The following DOCK1 variants were observed in gnomAD, a reference collection of about 807,000 sequenced individuals.
The protein encoded by DOCK1 is dedicator of cytokinesis protein 1.
Under a neutral mutation model 262.7 loss-of-function variants are expected in DOCK1, and 138 were observed. That is an observed-to-expected ratio of 0.53 (90% CI 0.46 to 0.61). DOCK1 has a LOEUF of 0.61. Among genes scored for constraint, DOCK1 ranks in the 20% least tolerant of loss-of-function variants. The pLI is 0.00. For missense variants in DOCK1, 1,908 were observed against 2,370.7 expected (o/e 0.80, Z 4.05); for synonymous variants, 866 against 867.4 (o/e 1.00, Z 0.03).
At chr10:127,255,988 C>T (rs959602965) in intron 28 of DOCK1, among the ~76,000 whole-genome samples, 3 of 152,174 alleles carry the variant, frequency 2.0e-5, no homozygotes, top group Admixed American at 6.5e-5. Flanking sequence ...GGGATGCTCC[C>T]GCTCCTGAGA....
At position 126,998,035 on chromosome 10, in the gene DOCK1, G is replaced by C. The variant is rs9418751; in HGVS notation, c.610-57G>C. On this transcript the variant is annotated intron_variant, in intron 7 of 51. Coordinates refer to ENST00000623213, the MANE Select transcript of DOCK1 (RefSeq NM_001290223.2). The stretch of plus-strand genomic sequence containing the variant: ...TTCTATTCTGTAGGGAATAAAGAAA[G>C]CAAGTGTCAGTGATGAGTGTTGCTG... 2.2e-5 allele frequency: 35 copies of C among 1,597,420 alleles called. No individual in the cohort carries two copies. The African/African-American group carries it at 3.9e-4, about 18-fold the overall frequency.
At chr10:127,412,796 C>G (rs1405971346) in intron 43 of DOCK1, among the ~76,000 whole-genome samples, 1 of 152,202 alleles carries the variant, frequency 6.6e-6, no homozygotes, top group African/African-American at 2.4e-5. Flanking sequence ...TCCTTCCAGC[C>G]CCGAGGCCAG....
intron 14 of DOCK1, 29 bp downstream of exon 14, chr10:127,023,353 A>C: frequency 1.9e-6 from 3 of 1,611,384 alleles, no homozygotes; most frequent in South Asian, 1.1e-5. Context: ...GCTCATCTGT[A>C]GTGTTTCAGT....
At chr10:127,203,149 A>G (rs913154137) in intron 27 of DOCK1, among the ~76,000 whole-genome samples, 3 of 152,256 alleles carry the variant, frequency 2.0e-5, no homozygotes, top group African/African-American at 7.2e-5. Flanking sequence ...GTTGAATAAC[A>G]GCTATTAAAA....
chr10:127,288,818 T>C (rs953685390), intron 29 of DOCK1, among the ~76,000 whole-genome samples: 15 of 149,862 alleles, frequency 1.0e-4, no homozygotes, highest in African/African-American at 3.5e-4. Flanking sequence ...TAAAATAGTT[T>C]CAGAATAACA....
intron 33 of DOCK1, among the ~76,000 whole-genome samples, chr10:127,370,801 C>T (rs1009584590): frequency 3.3e-5 from 5 of 152,206 alleles, no homozygotes; most frequent in Admixed American, 6.5e-5. Context: ...CATAAGTGTT[C>T]TCTTGTTTCA....
At chr10:127,004,435 A>G (rs779509001) in intron 10 of DOCK1, among the ~76,000 whole-genome samples, 17 of 152,184 alleles carry the variant, frequency 1.1e-4, no homozygotes, top group East Asian at 1.9e-4. Context: ...AATATGAGAA[A>G]AATCTTGCGA....
chr10:126,982,092 G>C (rs971657097), intron 4 of DOCK1, 119 bp downstream of exon 4: 1 of 1,076,704 alleles, frequency 9.3e-7, no homozygotes, highest in East Asian at 2.5e-5. Context: ...TGACTCCTGG[G>C]GGACAGGAGT....
chr10:127,288,859 C>A (rs2061254723), intron 29 of DOCK1, among the ~76,000 whole-genome samples: 1 of 151,440 alleles, frequency 6.6e-6, no homozygotes, highest in Admixed American at 6.6e-5. Flanking sequence ...AGTTTGTTTT[C>A]TCCTTAGGAT....
intron 27 of DOCK1, among the ~76,000 whole-genome samples, chr10:127,245,144 C>T (rs918839937): frequency 6.6e-6 from 1 of 151,928 alleles, no homozygotes; most frequent in Non-Finnish European, 1.5e-5. Context: ...CAGTATTTGC[C>T]CAAAAAAATA....
intron 33 of DOCK1, among the ~76,000 whole-genome samples, chr10:127,362,571 T>C (rs2064523862): frequency 6.6e-6 from 1 of 152,238 alleles, no homozygotes; most frequent in African/African-American, 2.4e-5. Flanking sequence ...CGGCTGCTTA[T>C]TGCAGAATTG....
chr10:127,342,587 C>A (rs1330939433), intron 30 of DOCK1, among the ~76,000 whole-genome samples: 1 of 152,142 alleles, frequency 6.6e-6, no homozygotes, highest in Non-Finnish European at 1.5e-5. Flanking sequence ...TTTCTCAAAT[C>A]CTACAAATGC....
intron 1 of DOCK1, among the ~76,000 whole-genome samples, chr10:126,914,017 T>C (rs1211769163): frequency 6.6e-6 from 1 of 152,234 alleles, no homozygotes; most frequent in Non-Finnish European, 1.5e-5. Flanking sequence ...TTGATAATGT[T>C]AGTTTCTTTC....
At chr10:127,230,681 T>G (rs1332006732) in intron 27 of DOCK1, among the ~76,000 whole-genome samples, 1 of 152,192 alleles carries the variant, frequency 6.6e-6, no homozygotes, top group Non-Finnish European at 1.5e-5. Flanking sequence ...ATATTAGATC[T>G]TAAAAAATCT....
intron 27 of DOCK1, among the ~76,000 whole-genome samples, chr10:127,230,511 T>G (rs560466081): frequency 9.2e-5 from 14 of 152,286 alleles, no homozygotes; most frequent in African/African-American, 3.1e-4. Flanking sequence ...AGCATCATTA[T>G]TGAAGATTAT....
intron 36 of DOCK1, among the ~76,000 whole-genome samples, chr10:127,380,375 C>T (rs547557903): frequency 5.3e-4 from 81 of 151,890 alleles, no homozygotes; most frequent in African/African-American, 1.7e-3. Context: ...TGTTTCACAG[C>T]GTTTTGTACC....
chr10:127,433,735 G>A (rs895239537), intron 48 of DOCK1, among the ~76,000 whole-genome samples: 3 of 152,040 alleles, frequency 2.0e-5, no homozygotes, highest in South Asian at 2.1e-4. Flanking sequence ...TTGTCCACCC[G>A]CGGCCCACGG....
At chr10:127,313,447 C>T (rs765982100) in intron 29 of DOCK1, among the ~76,000 whole-genome samples, 2 of 152,128 alleles carry the variant, frequency 1.3e-5, no homozygotes, top group Admixed American at 6.5e-5. Flanking sequence ...TAAGCCATAG[C>T]GAGAAAATAG....
chr10:127,253,893 A>AAAAAAAT (rs2059744418), intron 28 of DOCK1, among the ~76,000 whole-genome samples: 1 of 149,978 alleles, frequency 6.7e-6, no homozygotes, highest in Non-Finnish European at 1.5e-5. Context: ...AAAAAAAAAA[A>AAAAAAAT]GGAAACCATG....
Sources: gnomAD v4.1 joint callset for allele counts (sites outside exome capture counted in the v4.1 genomes callset) on GRCh38, gnomAD v4.1.1 for gene constraint, MANE v1.5 for transcripts, NCBI Gene and HGNC (gene_info 2026-07-23, HGNC 2026-07-21) for gene names.